KANK1: variants seen among roughly 807,000 people sequenced by gnomAD.
KANK1 encodes KN motif and ankyrin repeat domain-containing protein 1.
A neutral mutation model predicts 106.2 loss-of-function variants in KANK1; 109 were observed. The ratio of observed to expected loss-of-function variants is 1.03; its 90% CI spans 0.88 to 1.20. The LOEUF (loss-of-function observed/expected upper bound fraction) is 1.20. KANK1 is among the 50% of genes most tolerant of loss of function. The probability of loss-of-function intolerance (pLI) is 0.00; values close to 1 mark genes in which losing one functional copy is unlikely to be tolerated. For missense variants in KANK1, 2,399 were observed against 1,710.7 expected (o/e 1.40, Z -7.10); for synonymous variants, 873 against 652.2 (o/e 1.34, Z -5.16).
At chr9:688,823 G>A (rs1468223480) in intron 2 of KANK1, among the ~76,000 whole-genome samples, 1 of 152,100 alleles carries the variant, frequency 6.6e-6, no homozygotes, top group African/African-American at 2.4e-5. Context: ...GGTTCCTTTT[G>A]TCTCAGGCTT....
chr9:590,410 C>T (rs989291441), intron 1 of KANK1, among the ~76,000 whole-genome samples: 9 of 152,150 alleles, frequency 5.9e-5, no homozygotes, highest in Non-Finnish European at 1.2e-4. Context: ...GCTGCCTCCT[C>T]TCCATTTCCT....
At chr9:700,014 T>C (rs185681109) in intron 2 of KANK1, among the ~76,000 whole-genome samples, 34 of 152,258 alleles carry the variant, frequency 2.2e-4, no homozygotes, top group African/African-American at 7.5e-4. Context: ...CTTACCTACC[T>C]ACCTACGTAT....
At chr9:705,937 G>A (rs1234369880) in intron 2 of KANK1, among the ~76,000 whole-genome samples, 1 of 151,774 alleles carries the variant, frequency 6.6e-6, no homozygotes. Flanking sequence ...TTGCTCTCTG[G>A]GTGCTTATAG....
At chr9:480,107 G>C (rs1204476887) in intron 3 of KANK1, among the ~76,000 whole-genome samples, 2 of 152,186 alleles carry the variant, frequency 1.3e-5, no homozygotes, top group Non-Finnish European at 2.9e-5. Context: ...GTAAATAATT[G>C]CCGGAGTTGC....
chr9:477,333 G>A (rs2058123470), intron 3 of KANK1, among the ~76,000 whole-genome samples: 2 of 149,546 alleles, frequency 1.3e-5, no homozygotes, highest in African/African-American at 4.9e-5. Context: ...TCTAGCTTTT[G>A]ATTTCCAAAT....
At chr9:684,066 C>A in intron 2 of KANK1, 2 of 624,644 alleles carry the variant, frequency 3.2e-6, no homozygotes, top group Non-Finnish European at 4.0e-6. Context: ...AGAATTCACC[C>A]AGCCCCCGGA....
rs1412527264 is a variant in KANK1, at chr9:730,227, C to A, written c.2875C>A (p.Gln959Lys). ...GTCTCCAGTGAACCTGACAGACGAC[C>A]AGATCGCCGCTGGCCTCTATGGTAA... ...TLSPVNLTDD[Q>K]IAAGLYACTN... is the part of the protein sequence containing the mutation. Residue 959 changes from glutamine to lysine, a missense_variant, in exon 4 of 12, where the codon CAG becomes AAG. Physicochemically the swap from Gln to Lys is moderately conservative, Grantham distance 53. Transcript: ENST00000382297. The A allele has an allele frequency of 6.2e-7, 1 of 1,614,198 alleles. No homozygotes were observed. The highest frequency in any genetic ancestry group is 1.1e-5 in the South Asian group (1 of 91,078).
chr9:602,549 C>T (rs1055935904), intron 1 of KANK1, among the ~76,000 whole-genome samples: 4 of 151,398 alleles, frequency 2.6e-5, no homozygotes, highest in Non-Finnish European at 5.9e-5. Flanking sequence ...TGAGCTGTTG[C>T]ACCCGGCCCC....
chr9:710,987 C>G lies in KANK1; in HGVS notation c.221C>G (p.Pro74Arg), dbSNP rs138546034. The G allele has an allele frequency of 3.1e-6, 5 of 1,614,052 alleles. No individual in the cohort carries two copies. The highest frequency in any genetic ancestry group is 3.3e-5 in the Admixed American group (2 of 60,002). Residue 74 changes from proline to arginine, a missense_variant, in exon 3 of 12, where the codon CCA becomes CGA. Pro to Arg is a moderately radical substitution (Grantham distance 103). Transcript: ENST00000382297. ...AGGCGGAAGCCGTCCGTGCCATGCC[C>G]AGAACCCAGGACCACATCTGGTCAG... ...QKRRKPSVPC[P>R]EPRTTSGQQG...
At chr9:652,328 C>G (rs1841075400) in intron 1 of KANK1, among the ~76,000 whole-genome samples, 2 of 152,042 alleles carry the variant, frequency 1.3e-5, no homozygotes, top group Admixed American at 6.6e-5. Flanking sequence ...CGAGACCAGC[C>G]TGGCCAACAT....
chr9:744,464 G>A, intron 10 of KANK1, 27 bp from the exon 11 acceptor site: 1 of 1,605,366 alleles, frequency 6.2e-7, no homozygotes, highest in Non-Finnish European at 8.5e-7. Flanking sequence ...AACCCAACAT[G>A]GCTTGTTCTT....
rs772572415 is a variant in KANK1, at chr9:738,318, T to C, written c.3367T>C (p.Phe1123Leu). 1.9e-6 allele frequency: 3 copies of C among 1,613,896 alleles called. No homozygotes were observed. The highest frequency in any genetic ancestry group is 2.2e-5 in the South Asian group (2 of 90,958). The change falls in exon 8 of 12, where the codon TTC (phenylalanine) becomes CTC (leucine). Residue 1123 changes from phenylalanine (F) to leucine (L), a missense_variant. Physicochemically the swap from Phe to Leu is conservative, Grantham distance 22. Coordinates refer to ENST00000382297, the MANE Select transcript of KANK1 (RefSeq NM_015158.5). ...TCTGAACACCCTCCAGCACGAGTGG[T>C]TCCGCGTGTCCAGTCAGAAGTCAGC... The part of the protein sequence containing the change: ...FCLNTLQHEW[F>L]RVSSQKSAIP...
intron 1 of KANK1, among the ~76,000 whole-genome samples, chr9:567,887 A>T (rs1294273445): frequency 6.6e-6 from 1 of 152,236 alleles, no homozygotes; most frequent in Non-Finnish European, 1.5e-5. Context: ...GCCCAGTGGT[A>T]TTGAATTTAG....
intron 1 of KANK1, among the ~76,000 whole-genome samples, chr9:635,895 G>C (rs965620988): frequency 4.0e-5 from 6 of 151,856 alleles, no homozygotes; most frequent in African/African-American, 1.5e-4. Flanking sequence ...GACTGGTCTT[G>C]AACTCCTGGC....
chr9:732,980 C>T (rs1832731502), intron 6 of KANK1: 1 of 179,666 alleles, frequency 5.6e-6, no homozygotes, highest in Non-Finnish European at 1.2e-5. Context: ...TTATGTTTAG[C>T]CATTTATCTT....
intron 2 of KANK1, among the ~76,000 whole-genome samples, chr9:696,914 C>T (rs2129799088): frequency 6.6e-6 from 1 of 152,306 alleles, no homozygotes; most frequent in East Asian, 1.9e-4. Flanking sequence ...AGGCTGACTG[C>T]ACTCGTGCAC....
chr9:626,558 G>A (rs951028373), intron 1 of KANK1, among the ~76,000 whole-genome samples: 1 of 152,204 alleles, frequency 6.6e-6, no homozygotes, highest in African/African-American at 2.4e-5. Context: ...TTAGGAGGAG[G>A]CTGTACATAA....
intron 1 of KANK1, among the ~76,000 whole-genome samples, chr9:560,945 A>G (rs1022805569): frequency 2.6e-5 from 4 of 152,202 alleles, no homozygotes; most frequent in Non-Finnish European, 4.4e-5. Context: ...GTTTCAGCCA[A>G]CCATTTGATA....
At chr9:577,695 A>G (rs1820949495) in intron 1 of KANK1, among the ~76,000 whole-genome samples, 1 of 152,168 alleles carries the variant, frequency 6.6e-6, no homozygotes, top group African/African-American at 2.4e-5. Flanking sequence ...CACATTCTCA[A>G]GTTCCACCCC....
Sources: gnomAD v4.1 joint callset for allele counts (sites outside exome capture counted in the v4.1 genomes callset) on GRCh38, gnomAD v4.1.1 for gene constraint, MANE v1.5 for transcripts, NCBI Gene and HGNC (gene_info 2026-07-23, HGNC 2026-07-21) for gene names.